ACTN2: variants seen among roughly 807,000 people sequenced by gnomAD.
ACTN2 encodes the protein actinin alpha 2.
Under a neutral mutation model 113.8 loss-of-function variants are expected in ACTN2, and 39 were observed. That is an observed-to-expected ratio of 0.34 (90% CI 0.27 to 0.45). The LOEUF is 0.45. Among genes scored for constraint, ACTN2 ranks in the 20% least tolerant of loss-of-function variants. The pLI, the probability that ACTN2 is intolerant of heterozygous loss-of-function variation, is 1.00. For synonymous variants in ACTN2, 429 were observed against 444.1 expected (o/e 0.97, Z 0.43); for missense variants, 992 against 1,177.9 (o/e 0.84, Z 2.31).
intron 1 of ACTN2, among the ~76,000 whole-genome samples, chr1:236,692,340 A>T (rs376238824): frequency 6.6e-6 from 1 of 152,244 alleles, no homozygotes; most frequent in Admixed American, 6.5e-5. Flanking sequence ...TTGACAAGCA[A>T]CAACCAAACT....
In ACTN2 at chr1:236,748,050, T is replaced by C. The variant is rs1659289841; in HGVS notation, c.1515+275T>C. ...CATAAATCTACTTTGTATCTGGTAG[T>C]AACAGTACGTTTCCAAAAGTCCTTC... On this transcript the variant is annotated intron_variant, in intron 13 of 20. Transcript: ENST00000366578. 6 of 392,786 alleles carry C rather than the reference T, an allele frequency of 1.5e-5. No homozygotes were observed. In the East Asian group the frequency reaches 3.4e-4, roughly 22 times the overall value. 24.3% of individuals were successfully genotyped at this position (392,786 alleles called of 1,614,324 possible).
chr1:236,707,958 G>A (rs886798606), intron 1 of ACTN2, among the ~76,000 whole-genome samples: 1 of 151,796 alleles, frequency 6.6e-6, no homozygotes, highest in African/African-American at 2.4e-5. Context: ...TGATCCACCC[G>A]CCTCGGCCTC....
At position 236,736,071 on chromosome 1, in the gene ACTN2, C is replaced by T. The variant is rs532080340; in HGVS notation, c.783+351C>T. On this transcript the variant is annotated intron_variant, in intron 8 of 20. Transcript: ENST00000366578. The stretch of plus-strand genomic sequence containing the variant: ...TGGCAAGGAGAAATGAATGCCTTTC[C>T]AACCCGGCCTTGTTCTCTGCTTAGA... Among the ~76,000 whole-genome samples the T allele has an allele frequency of 1.1e-3, 171 of 152,338 alleles. 1 individual carries two copies. The highest frequency in any genetic ancestry group is 3.8e-3 in the African/African-American group (160 of 41,576).
In ACTN2 at chr1:236,762,463, A is replaced by C; in HGVS notation, c.2529A>C (p.Pro843=). ...AACACGTGTGTATTTTTTCCCAGCC[A>C]TACATCCTGGCGGAGGAGCTGCGTC... is the stretch of plus-strand genomic sequence containing the variant. ...ASFRILASDK[P]YILAEELRRE... The change falls in exon 21 of 21, where the codon CCA becomes CCC. Residue 843 remains proline (P), a splice_region_variant and synonymous_variant. Transcript: ENST00000366578. 1 of 1,614,114 alleles carries C rather than the reference A, an allele frequency of 6.2e-7. No individual in the cohort carries two copies. Among genetic ancestry groups the C allele is most frequent in the Non-Finnish European group, 8.5e-7 (1 of 1,179,978 alleles).
Position 236,755,139 on chromosome 1 carries a change from C to T in ACTN2, c.2095C>T (p.His699Tyr). Residue 699 changes from histidine (H) to tyrosine (Y), a missense_variant, in exon 17 of 21, where the codon CAT (histidine) becomes TAT (tyrosine). By Grantham distance (83) the His-to-Tyr change is moderately conservative (BLOSUM62 2). Transcript: ENST00000366578. ...CAACATCGACAAGCTGGAGGGAGAC[C>T]ATCAGCTCATCCAGGAGGCCCTTGT... ...KNNIDKLEGD[H>Y]QLIQEALVFD... The T allele has an allele frequency of 6.2e-7, 1 of 1,614,178 alleles. No individual in the cohort carries two copies. The highest frequency in any genetic ancestry group is 8.5e-7 in the Non-Finnish European group (1 of 1,180,042).
chr1:236,748,034 A>G (rs1659288886), intron 13 of ACTN2: 1 of 441,098 alleles, frequency 2.3e-6, no homozygotes, highest in African/African-American at 2.0e-5. Flanking sequence ...GCATAAATCT[A>G]CTTTGTATCT....
chr1:236,706,295 A>G (rs1657822391), intron 1 of ACTN2, among the ~76,000 whole-genome samples: 1 of 152,108 alleles, frequency 6.6e-6, no homozygotes. Flanking sequence ...TTGGTTCCAG[A>G]AAGTCTGACA....
rs1428788821 is a variant in ACTN2 at position 236,737,315 on chromosome 1, A to ATATATATATATATATATG, written c.876+104_876+105insATATATATATATATGTAT. On this transcript the variant is annotated intron_variant, in intron 9 of 20. Transcript: ENST00000366578. Reference sequence around the variant, plus strand: ...CGTGGGGGCATATATATATATATATATATTTTGCATTTTTCATCTCAGATA... The same window carrying ATATATATATATATATATG: ...CGTGGGGGCATATATATATATATATATATATATATATATATATGTATTTTGCATTTTTCATCTCAGATA... 2.7e-5 allele frequency: 8 copies of ATATATATATATATATATG among 294,998 alleles called. 1 individual carries two copies. The highest frequency in any genetic ancestry group is 1.8e-4 in the African/African-American group (8 of 43,568). The allele number at this position is 294,998 out of a possible 1,614,324, so 18.3% of individuals were successfully genotyped here. A position where few individuals can be genotyped will look rare whatever the true frequency, so the allele number is the denominator to read the frequency against.
In ACTN2 at chr1:236,754,292, C is replaced by T. The variant is rs1052564628; in HGVS notation, c.1974+211C>T. ...CACAATATGGAATGCAGGAAGGCGG[C>T]ACTCAAGGAAGGGGAGGGGGGTCTT... On this transcript the variant is annotated intron_variant, in intron 16 of 20. Transcript: ENST00000366578. The surrounding 1 kb of genome is among the most constrained non-coding windows in gnomAD (Gnocchi z 4.9). Among the ~76,000 whole-genome samples the T allele has an allele frequency of 1.3e-5, 2 of 152,212 alleles. No homozygotes were observed. Among genetic ancestry groups the T allele is most frequent in the African/African-American group, 2.4e-5 (1 of 41,456 alleles).
chr1:236,689,508 A>G (rs1666003716), intron 1 of ACTN2, among the ~76,000 whole-genome samples: 1 of 151,676 alleles, frequency 6.6e-6, no homozygotes, highest in Non-Finnish European at 1.5e-5. Flanking sequence ...ACCACCACAC[A>G]TGGCTAATTT....
Position 236,759,999 on chromosome 1 carries a change from A to G in ACTN2, c.2367+210A>G, listed in dbSNP as rs10925223. On this transcript the variant is annotated intron_variant, in intron 19 of 20. Transcript: ENST00000366578. ...AGTGGCTCACGCCTGTAATCCCAGCACTTTGGGAGGCCGAGGCGGATGGAT... is the reference window on the plus strand; with the variant it reads ...AGTGGCTCACGCCTGTAATCCCAGCGCTTTGGGAGGCCGAGGCGGATGGAT... 0.51 allele frequency among the ~76,000 whole-genome samples: 78,233 copies of G among 152,090 alleles called. 23,753 individuals are homozygous for G. The highest frequency in any genetic ancestry group is 0.68 in the Non-Finnish European group (46,289 of 67,980).
intron 1 of ACTN2, among the ~76,000 whole-genome samples, chr1:236,689,532 A>C (rs1666004458): frequency 6.6e-6 from 1 of 151,622 alleles, no homozygotes; most frequent in South Asian, 2.1e-4. Context: ...TATTTTAAAA[A>C]CTTTTTTTGT....
In ACTN2 at chr1:236,757,525, G is replaced by A. The variant is rs777744290; in HGVS notation, c.2194G>A (p.Ala732Thr). 4.0e-5 allele frequency: 65 copies of A among 1,613,924 alleles called. No individual in the cohort carries two copies. Among genetic ancestry groups the A allele is most frequent in the Non-Finnish European group, 5.3e-5 (62 of 1,180,020 alleles). The part of the protein sequence containing the change: ...VGWELLLTTI[A>T]RTINEVETQI... ...ATGGGAGCTGCTGCTGACAACCATC[G>A]CCAGAACCATCAATGAGGTGGAGAC... The change falls in exon 18 of 21, where the codon GCC becomes ACC. Residue 732 changes from alanine (A) to threonine (T), a missense_variant. Physicochemically the swap from Ala to Thr is moderately conservative, Grantham distance 58. This residue lies in a region of ACTN2 where 736 missense variants were observed against 815.4 expected (regional missense o/e 0.90). Transcript: ENST00000366578.
intron 7 of ACTN2, 40 bp from the exon 8 acceptor site, chr1:236,735,595 T>G: frequency 6.7e-7 from 1 of 1,500,670 alleles, no homozygotes; most frequent in African/African-American, 1.4e-5. Flanking sequence ...GTGTGGTGTG[T>G]GTGTGTGCGC....
chr1:236,716,506 T>C (rs1397354622), intron 1 of ACTN2, among the ~76,000 whole-genome samples: 2 of 152,136 alleles, frequency 1.3e-5, no homozygotes, highest in African/African-American at 4.8e-5. Flanking sequence ...TCACTTAATA[T>C]ATGGTCCATT....
chr1:236,731,710 G>T (rs1356382097), intron 7 of ACTN2, among the ~76,000 whole-genome samples: 6 of 152,126 alleles, frequency 3.9e-5, no homozygotes, highest in African/African-American at 1.4e-4. Context: ...ACATACTTAA[G>T]AGAAAAAAAT....
chr1:236,708,246 A>G (rs1657894441), intron 1 of ACTN2, among the ~76,000 whole-genome samples: 1 of 152,202 alleles, frequency 6.6e-6, no homozygotes, highest in African/African-American at 2.4e-5. Context: ...CTAATTATGT[A>G]AGTTATGAGA....
chr1:236,707,709 CTTTTTTTTTT>C (rs5781919), intron 1 of ACTN2, among the ~76,000 whole-genome samples: 5 of 78,758 alleles, frequency 6.3e-5, no homozygotes, highest in Non-Finnish European at 9.4e-5. Flanking sequence ...TCTTTTTTTT[CTTTTTTTTTT>C]TTTTTTTTTT....
At position 236,754,901 on chromosome 1, in the gene ACTN2, C is replaced by T. The variant is rs773133808; in HGVS notation, c.1975-118C>T. ...GAAAAGTGAACCGAGTGACACTGGC[C>T]GCTGCCTGACGCTGGCCTAGCATCC... On this transcript the variant is annotated intron_variant, in intron 16 of 20. Transcript: ENST00000366578. This position sits in a 1 kb window ranked among gnomAD's most constrained non-coding sequence, Gnocchi z 4.9. The T allele has an allele frequency of 1.0e-5, 12 of 1,194,838 alleles. No homozygotes were observed. The highest frequency in any genetic ancestry group is 2.5e-5 in the South Asian group (2 of 81,512). 74.0% of individuals were successfully genotyped at this position (1,194,838 alleles called of 1,614,324 possible).
Sources: gnomAD v4.1 joint callset for allele counts (sites outside exome capture counted in the v4.1 genomes callset) on GRCh38, gnomAD v4.1.1 for gene constraint, gnomAD v4.1.1 regional missense constraint, Gnocchi (gnomAD v3.1) non-coding constraint, MANE v1.5 for transcripts, NCBI Gene and HGNC (gene_info 2026-07-23, HGNC 2026-07-21) for gene names.